Variants in IFI16 observed in about 807,000 individuals in gnomAD.
The protein encoded by IFI16 is gamma-interferon-inducible protein 16.
Under a neutral mutation model 68.4 loss-of-function variants are expected in IFI16, and 49 were observed. The observed-to-expected ratio is 0.72, with a 90% CI of 0.57 to 0.91. The LOEUF is 0.91. Ranked by LOEUF, IFI16 falls within the 40% of genes least tolerant of loss-of-function variation. The pLI, the probability that IFI16 is intolerant of heterozygous loss-of-function variation, is 0.00. For missense variants in IFI16, 878 were observed against 942.9 expected (o/e 0.93, Z 0.90); for synonymous variants, 307 against 315.0 (o/e 0.97, Z 0.27).
In IFI16 at chr1:159,051,692, T is replaced by G; in HGVS notation, c.1679T>G (p.Leu560Arg). The change falls in exon 10 of 12, where the codon CTG (leucine) becomes CGG (arginine). Residue 560 changes from leucine (L) to arginine (R), a missense_variant. Leu to Arg is a moderately radical substitution (Grantham distance 102). This residue lies in a region of IFI16 where 311 missense variants were observed against 305.1 expected (regional missense o/e 1.02). Transcript: ENST00000295809. ...CTACCTTCTAAGTTGAAACCAAGAC[T>G]GAAGACTGAACCTGAAGAAGTTTCC... is the stretch of plus-strand genomic sequence containing the variant. ...SSFLTTLKPR[L>R]KTEPEEVSIE... 6.2e-7 allele frequency: 1 copy of G among 1,610,992 alleles called. No individual in the cohort carries two copies. The highest frequency in any genetic ancestry group is 8.5e-7 in the Non-Finnish European group (1 of 1,177,852).
At chr1:159,012,760 G>A (rs1176226779) in intron 1 of IFI16, among the ~76,000 whole-genome samples, 1 of 152,152 alleles carries the variant, frequency 6.6e-6, no homozygotes, top group Non-Finnish European at 1.5e-5. Flanking sequence ...CAATTAGGCG[G>A]GAAGGCATGT....
intron 7 of IFI16, among the ~76,000 whole-genome samples, chr1:159,042,700 T>G (rs1489010533): frequency 6.6e-6 from 1 of 152,226 alleles, no homozygotes; most frequent in Non-Finnish European, 1.5e-5. Context: ...TTATCATAGC[T>G]ATAATAAACC....
intron 7 of IFI16, among the ~76,000 whole-genome samples, chr1:159,040,155 T>C (rs1051340738): frequency 6.6e-6 from 1 of 152,222 alleles, no homozygotes; most frequent in African/African-American, 2.4e-5. Context: ...TTAGGGAACA[T>C]GATGTTGAAT....
chr1:159,013,059 A>AT (rs1411382551), intron 1 of IFI16, among the ~76,000 whole-genome samples: 2 of 150,202 alleles, frequency 1.3e-5, no homozygotes, highest in Non-Finnish European at 3.0e-5. Flanking sequence ...ATTTTTGTTC[A>AT]TTATATTCTT....
chr1:159,018,790 C>G (rs1378942855), intron 5 of IFI16, 139 bp downstream of exon 5: 1 of 649,082 alleles, frequency 1.5e-6, no homozygotes, highest in Non-Finnish European at 2.7e-6. Context: ...TGGATAAAGA[C>G]TTCTCTGAAG....
At position 159,048,089 on chromosome 1, in the gene IFI16, G is replaced by C. The variant is rs1281122283; in HGVS notation, c.1498-1343G>C. Among the ~76,000 whole-genome samples, 2 of 149,220 alleles carry C rather than the reference G, an allele frequency of 1.3e-5. 1 individual carries two copies. The highest frequency in any genetic ancestry group is 3.0e-5 in the Non-Finnish European group (2 of 66,930). ...CTACACATGGCAGATCTGAAGAGAG[G>C]GGCTTCTCTCCTATTATGCTTCCTA... On this transcript the variant is annotated intron_variant, in intron 8 of 11. Coordinates refer to ENST00000295809, the MANE Select transcript of IFI16 (RefSeq NM_001376587.1).
At chr1:159,017,442 G>C (rs919051877) in intron 4 of IFI16, among the ~76,000 whole-genome samples, 2 of 151,740 alleles carry the variant, frequency 1.3e-5, no homozygotes, top group Admixed American at 1.3e-4. Flanking sequence ...ATAGTTTGTG[G>C]TGGGCACCAT....
Sources: allele counts gnomAD v4.1 joint callset (sites outside exome capture counted in the v4.1 genomes callset), GRCh38; gene constraint gnomAD v4.1.1; regional missense constraint gnomAD v4.1.1; transcripts MANE v1.5; gene names NCBI Gene and HGNC (gene_info 2026-07-23, HGNC 2026-07-21).